DYNC2I2: variants seen among roughly 807,000 people sequenced by gnomAD.
DYNC2I2 encodes cytoplasmic dynein 2 intermediate chain 2.
In DYNC2I2, 39 loss-of-function variants were observed where a neutral mutation model predicts 52.0. The observed-to-expected ratio is 0.75, with a 90% confidence interval of 0.58 to 0.98. The LOEUF is 0.98. Ranked by LOEUF, DYNC2I2 falls within the 50% of genes least tolerant of loss-of-function variation. The pLI, the probability that DYNC2I2 is intolerant of heterozygous loss-of-function variation, is 0.00. For missense variants in DYNC2I2, 743 were observed against 728.4 expected (o/e 1.02, Z -0.23); for synonymous variants, 359 against 321.1 (o/e 1.12, Z -1.26).
the DYNC2I2 span, among the ~76,000 whole-genome samples, chr9:128,672,793 C>T: frequency 2.6e-5 from 4 of 152,056 alleles, no homozygotes; most frequent in African/African-American, 7.2e-5. Context: ...TTTGGGAGGC[C>T]GAGGCAGGCG....
the DYNC2I2 span, among the ~76,000 whole-genome samples, chr9:128,681,381 T>C: frequency 6.6e-6 from 1 of 152,204 alleles, no homozygotes; most frequent in African/African-American, 2.4e-5. Context: ...GTGAGCCACC[T>C]CGTCTGGCCC....
the DYNC2I2 span, among the ~76,000 whole-genome samples, chr9:128,676,108 C>T: frequency 7.9e-5 from 12 of 152,196 alleles, no homozygotes; most frequent in East Asian, 2.3e-3. Flanking sequence ...GTGGAGGCTG[C>T]AGTAAGCTAT....
In DYNC2I2 at chr9:128,650,527, A is replaced by ATATATATATATATATATATATAT. The variant is rs1491261768; in HGVS notation, c.186+6013_186+6014insATATATATATATATATATATATA. 9.5e-3 allele frequency among the ~76,000 whole-genome samples: 221 copies of ATATATATATATATATATATATAT among 23,152 alleles called. 50 individuals carry two copies. The highest frequency in any genetic ancestry group is 0.019 in the African/African-American group (213 of 10,956). The allele number at this position is 23,152 out of a possible 152,430, so 15.2% of individuals were successfully genotyped here. A position where few individuals can be genotyped will look rare whatever the true frequency, so the allele number is the denominator to read the frequency against. On this transcript the variant is annotated intron_variant, in intron 1 of 8. Transcript: ENST00000372715. ...GAAAAGTCAAGTCAGGCCAAAGACC[A>ATATATATATATATATATATATAT]TATATATATATATATATATATGCCA...
the DYNC2I2 span, among the ~76,000 whole-genome samples, chr9:128,673,752 C>T: frequency 6.6e-6 from 1 of 151,520 alleles, no homozygotes; most frequent in East Asian, 1.9e-4. Context: ...GTGATCCGCC[C>T]CCCTAGGCCT....
the DYNC2I2 span, chr9:128,683,655 G>C: frequency 1.4e-5 from 6 of 436,888 alleles, no homozygotes; most frequent in Non-Finnish European, 2.5e-5. Context: ...AAAGCCAAGA[G>C]TGCCCCTGCA....
At chr9:128,663,415 G>A in the DYNC2I2 span, 1 of 152,072 alleles carries the variant, frequency 6.6e-6, no homozygotes, top group African/African-American at 2.4e-5. Flanking sequence ...GGAAGGAGAG[G>A]AAGGAAGAAA....
chr9:128,635,900 C>T (rs1449018656), intron 4 of DYNC2I2, 133 bp from the exon 5 acceptor site: 1 of 822,374 alleles, frequency 1.2e-6, no homozygotes, highest in East Asian at 2.7e-5. Context: ...TGGAAGTCAT[C>T]CCCACAGAGG....
upstream of DYNC2I2, among the ~76,000 whole-genome samples, chr9:128,660,472 G>A (rs1860905599): frequency 6.6e-6 from 1 of 151,058 alleles, no homozygotes; most frequent in Non-Finnish European, 1.5e-5. Context: ...GCAGTGGTGT[G>A]ATCTTGGCTC....
At chr9:128,667,377 G>A in the DYNC2I2 span, among the ~76,000 whole-genome samples, 1 of 152,004 alleles carries the variant, frequency 6.6e-6, no homozygotes, top group East Asian at 1.9e-4. Flanking sequence ...CCAGGATGGT[G>A]TGCAGTGGCA....
the DYNC2I2 span, among the ~76,000 whole-genome samples, chr9:128,681,266 T>C: frequency 6.6e-6 from 1 of 151,866 alleles, no homozygotes; most frequent in Admixed American, 6.6e-5. Context: ...AATTTTTGTA[T>C]TTTTAGTAGA....
Position 128,636,344 on chromosome 9 carries a change from C to A in DYNC2I2, c.640G>T (p.Val214Leu), listed in dbSNP as rs1228300877. The stretch of plus-strand genomic sequence containing the variant: ...CACAGGACAGCGCTGGGGACCTCCA[C>A]CACGGCCGACGGCTGCTGGGGACGC... ...DLRPQQPSAV[V>L]EVPSAVLCLA... is the part of the protein sequence containing the mutation. The change falls in exon 4 of 9, where the codon GTG becomes TTG. Residue 214 changes from valine to leucine, a missense_variant. Val to Leu is a conservative substitution (Grantham distance 32). Transcript: ENST00000372715. 6.2e-7 allele frequency: 1 copy of A among 1,604,650 alleles called. No homozygotes were observed. Among genetic ancestry groups the A allele is most frequent in the Admixed American group, 1.7e-5 (1 of 58,732 alleles).
intron 2 of DYNC2I2, among the ~76,000 whole-genome samples, chr9:128,637,253 C>T (rs1860433159): frequency 6.6e-6 from 1 of 152,222 alleles, no homozygotes; most frequent in Non-Finnish European, 1.5e-5. Context: ...CAGGCTCCCG[C>T]CCAGAGGGGT....
At chr9:128,657,418 A>G (rs970997227), upstream of DYNC2I2, among the ~76,000 whole-genome samples, 8 of 152,154 alleles carry the variant, frequency 5.3e-5, no homozygotes, top group Admixed American at 5.2e-4. Context: ...TGCTTTTTAT[A>G]CTATATTATG....
intron 1 of DYNC2I2, among the ~76,000 whole-genome samples, chr9:128,641,970 T>TATA (rs1564341670): frequency 7.0e-6 from 1 of 142,312 alleles, no homozygotes; most frequent in African/African-American, 2.8e-5. Context: ...TGTTCATTTA[T>TATA]ATACATACAC....
chr9:128,659,505 A>G (rs1298333286), upstream of DYNC2I2, among the ~76,000 whole-genome samples: 3 of 151,330 alleles, frequency 2.0e-5, no homozygotes, highest in South Asian at 6.3e-4. Flanking sequence ...AAAAAAAAAA[A>G]AAAAAACACA....
chr9:128,649,645 C>A (rs986216591), intron 1 of DYNC2I2, among the ~76,000 whole-genome samples: 5 of 138,354 alleles, frequency 3.6e-5, no homozygotes, highest in African/African-American at 1.4e-4. Flanking sequence ...GCCAAGACTG[C>A]ACCACTGCAC....
chr9:128,633,707 G>A lies in DYNC2I2; in HGVS notation c.*37C>T, dbSNP rs369081760. On this transcript the variant is annotated 3_prime_UTR_variant, in exon 9 of 9. Coordinates refer to ENST00000372715, the MANE Select transcript of DYNC2I2 (RefSeq NM_052844.4). ...GGCTTGCGTCAGAAACACAAGGCTC[G>A]GCACAGCGAAGGCTTGCACCCGCCT... is the stretch of plus-strand genomic sequence containing the variant. 119 of 1,578,154 alleles carry A rather than the reference G, an allele frequency of 7.5e-5. No homozygotes were observed. Among genetic ancestry groups the A allele is most frequent in the East Asian group, 4.9e-4 (22 of 44,476 alleles).
chr9:128,658,639 T>C (rs146360181), upstream of DYNC2I2, among the ~76,000 whole-genome samples: 1 of 151,766 alleles, frequency 6.6e-6, no homozygotes, highest in African/African-American at 2.4e-5. Flanking sequence ...TTTTTTGTAT[T>C]TTTAGTAGAG....
At chr9:128,667,958 CTTTTTTTTTTT>C in the DYNC2I2 span, among the ~76,000 whole-genome samples, 1 of 52,878 alleles carries the variant, frequency 1.9e-5, no homozygotes, top group East Asian at 3.9e-4. Flanking sequence ...GTCTCGATCT[CTTTTTTTTTTT>C]TTTTTTTTTT....
Sources: allele counts gnomAD v4.1 joint callset (sites outside exome capture counted in the v4.1 genomes callset), GRCh38; gene constraint gnomAD v4.1.1; transcripts MANE v1.5; gene names NCBI Gene and HGNC (gene_info 2026-07-23, HGNC 2026-07-21).